Variants in IRAK2 observed in about 807,000 individuals in gnomAD.
IRAK2 encodes the protein interleukin 1 receptor associated kinase 2, also known as interleukin-1 receptor-associated kinase-like 2.
Under a neutral mutation model 72.0 loss-of-function variants are expected in IRAK2, and 57 were observed. The observed-to-expected ratio is 0.79, with a 90% CI of 0.64 to 0.99. The LOEUF (loss-of-function observed/expected upper bound fraction) is 0.99, where lower values mean the gene tolerates loss of function less well. Among genes scored for constraint, IRAK2 ranks in the 50% least tolerant of loss-of-function variants. The pLI is 0.00. For synonymous variants in IRAK2, 293 were observed against 312.7 expected, an observed-to-expected ratio of 0.94 and a Z score of 0.67; for missense variants, 790 against 794.4, an observed-to-expected ratio of 0.99 and a Z score of 0.07.
chr3:10,218,364 C>T (rs902296921), intron 7 of IRAK2, among the ~76,000 whole-genome samples: 4 of 139,818 alleles, frequency 2.9e-5, no homozygotes, highest in Admixed American at 8.1e-5. Context: ...GCAGAGGTTG[C>T]GGTGAGCCGA....
At chr3:10,199,552 G>A (rs1258718977) in intron 2 of IRAK2, among the ~76,000 whole-genome samples, 2 of 152,152 alleles carry the variant, frequency 1.3e-5, no homozygotes, top group African/African-American at 2.4e-5. Flanking sequence ...TCTCCACTGC[G>A]TGAAAGGGAG....
chr3:10,184,015 C>G (rs1457877314), intron 2 of IRAK2, among the ~76,000 whole-genome samples: 3 of 152,222 alleles, frequency 2.0e-5, no homozygotes, highest in Admixed American at 6.5e-5. Context: ...GGCCCAGGCT[C>G]TTTCTTCTTT....
At chr3:10,235,450 G>A (rs1199704384) in intron 11 of IRAK2, among the ~76,000 whole-genome samples, 1 of 152,004 alleles carries the variant, frequency 6.6e-6, no homozygotes, top group East Asian at 1.9e-4. Flanking sequence ...GGCATCAGCC[G>A]CTCTGTCCGG....
intron 2 of IRAK2, among the ~76,000 whole-genome samples, chr3:10,193,409 G>T (rs1442907449): frequency 6.6e-6 from 1 of 151,908 alleles, no homozygotes; most frequent in African/African-American, 2.4e-5. Flanking sequence ...TTTGAGATCA[G>T]CTTGCGCAAT....
chr3:10,185,456 G>A (rs549126629), intron 2 of IRAK2, among the ~76,000 whole-genome samples: 1 of 149,218 alleles, frequency 6.7e-6, no homozygotes, highest in African/African-American at 2.5e-5. Context: ...ACTCAGGAAG[G>A]CTGAGGCAGG....
rs1300760989 is a variant in IRAK2, at chr3:10,171,782, T to TG, written c.95-6056_95-6055insG. 2.6e-5 allele frequency among the ~76,000 whole-genome samples: 4 copies of TG among 151,330 alleles called. No individual in the cohort carries two copies. In the South Asian group the frequency reaches 8.4e-4, roughly 32 times the overall value. On this transcript the variant is annotated intron_variant, in intron 1 of 12. Transcript: ENST00000256458. ...ACTGCACCCAGCCTTTTTTTTTTTT[T>TG]TGAGACGGAGTCTCACTCTGTTGCC...
Position 10,243,391 on chromosome 3 carries a change from G to T in IRAK2, c.*1163G>T, listed in dbSNP as rs903683154. Reference sequence around the variant, plus strand: ...GAAGAATCAGGAGAATGCATTTCATGTCTGATTCTGCTGCTAATTAAGTCA... The same window carrying T: ...GAAGAATCAGGAGAATGCATTTCATTTCTGATTCTGCTGCTAATTAAGTCA... On this transcript the variant is annotated 3_prime_UTR_variant, in exon 13 of 13. Transcript: ENST00000256458. The T allele has an allele frequency of 2.4e-4, 36 of 152,622 alleles. No homozygotes were observed. Among genetic ancestry groups the T allele is most frequent in the African/African-American group, 7.7e-4 (32 of 41,440 alleles). 9.5% of individuals were successfully genotyped at this position (152,622 alleles called of 1,614,324 possible). A position where few individuals can be genotyped will look rare whatever the true frequency, so the allele number is the denominator to read the frequency against.
In IRAK2 at chr3:10,213,390, A is replaced by C; in HGVS notation, c.712A>C (p.Lys238Gln). The C allele has an allele frequency of 6.2e-7, 1 of 1,614,114 alleles. No individual in the cohort carries two copies. The highest frequency in any genetic ancestry group is 8.5e-7 in the Non-Finnish European group (1 of 1,180,016). The change falls in exon 5 of 13, where the codon AAG becomes CAG. Residue 238 changes from lysine to glutamine, a missense_variant. Lys to Gln is a moderately conservative substitution (Grantham distance 53). Transcript: ENST00000256458. ...HRHGKPFVFK[K>Q]LRETACSSPG... The stretch of plus-strand genomic sequence containing the variant: ...GCACGGGAAGCCATTCGTCTTCAAG[A>C]AGCTCAGAGAGGTGAGCACTTCTTG...
rs540788515 is a variant in IRAK2 at position 10,206,934 on chromosome 3, A to G, written c.425-2655A>G. Among the ~76,000 whole-genome samples the G allele has an allele frequency of 9.4e-5, 14 of 149,724 alleles. No homozygotes were observed. The East Asian group carries it at 2.8e-3, about 30-fold the overall frequency. On this transcript the variant is annotated intron_variant, in intron 3 of 12. Coordinates refer to ENST00000256458, the MANE Select transcript of IRAK2 (RefSeq NM_001570.4). ...CAGTGGCACAGCTCAGCTCACGGCA[A>G]CCTTTGCCTCCCTGGTTCAAGCAAT...
At chr3:10,213,656 C>T in intron 6 of IRAK2, 108 bp downstream of exon 6, 2 of 803,642 alleles carry the variant, frequency 2.5e-6, no homozygotes, top group South Asian at 1.5e-5. Flanking sequence ...TCATTTAGTC[C>T]TTACAAGAAC....
intron 1 of IRAK2, among the ~76,000 whole-genome samples, chr3:10,170,545 A>G (rs1696778756): frequency 6.6e-6 from 1 of 151,850 alleles, no homozygotes; most frequent in African/African-American, 2.4e-5. Context: ...CATTTCCCTC[A>G]TTCCGCTTCA....
chr3:10,172,533 G>T (rs189650551), intron 1 of IRAK2, among the ~76,000 whole-genome samples: 3,382 of 54,722 alleles, frequency 0.062, 225 homozygotes, highest in African/African-American at 0.19. Context: ...GTAAAACTCC[G>T]ACTCAAAAAA....
At chr3:10,215,451 A>G (rs1312111816) in intron 6 of IRAK2, among the ~76,000 whole-genome samples, 1 of 151,484 alleles carries the variant, frequency 6.6e-6, no homozygotes, top group Admixed American at 6.6e-5. Flanking sequence ...AAATTTAAAA[A>G]GGAATAAAGA....
At chr3:10,205,188 C>T (rs769693510) in intron 3 of IRAK2, among the ~76,000 whole-genome samples, 3 of 152,174 alleles carry the variant, frequency 2.0e-5, no homozygotes, top group Non-Finnish European at 4.4e-5. Flanking sequence ...ATTCTCCTCT[C>T]TCTGCCCTTG....
chr3:10,190,176 T>C (rs1478796837), intron 2 of IRAK2, among the ~76,000 whole-genome samples: 1 of 150,304 alleles, frequency 6.7e-6, no homozygotes, highest in Non-Finnish European at 1.5e-5. Context: ...GATTGCATCA[T>C]CACTTGCCCC....
chr3:10,166,025 G>A (rs889249202), intron 1 of IRAK2, among the ~76,000 whole-genome samples: 1 of 151,932 alleles, frequency 6.6e-6, no homozygotes, highest in Non-Finnish European at 1.5e-5. Context: ...CACCGCGCCC[G>A]GCCTCCGGAA....
At chr3:10,234,805 A>G in intron 11 of IRAK2, 146 bp downstream of exon 11, 2 of 744,194 alleles carry the variant, frequency 2.7e-6, no homozygotes, top group Non-Finnish European at 4.4e-6. Context: ...CCATCAGCCA[A>G]AGGGCGGTGT....
intron 1 of IRAK2, among the ~76,000 whole-genome samples, chr3:10,166,083 G>A (rs1486865948): frequency 6.6e-6 from 1 of 152,156 alleles, no homozygotes; most frequent in Non-Finnish European, 1.5e-5. Flanking sequence ...AAAGTGCTGG[G>A]ATTACAGGCG....
chr3:10,167,691 A>G lies in IRAK2; in HGVS notation c.94+2643A>G, dbSNP rs532740868. Reference sequence around the variant, plus strand: ...CGGCTTCCCAAAGTGCTGGGATTACAGGCGTGAGCCACCGCGCCCAGCCAG... The same window carrying G: ...CGGCTTCCCAAAGTGCTGGGATTACGGGCGTGAGCCACCGCGCCCAGCCAG... On this transcript the variant is annotated intron_variant, in intron 1 of 12. Coordinates refer to ENST00000256458, the MANE Select transcript of IRAK2 (RefSeq NM_001570.4). Among the ~76,000 whole-genome samples the G allele has an allele frequency of 1.2e-4, 19 of 152,344 alleles. No homozygotes were observed. The South Asian group carries it at 3.9e-3, about 32-fold the overall frequency.
Sources: allele counts gnomAD v4.1 joint callset (sites outside exome capture counted in the v4.1 genomes callset), GRCh38; gene constraint gnomAD v4.1.1; transcripts MANE v1.5; gene names NCBI Gene and HGNC (gene_info 2026-07-23, HGNC 2026-07-21).